Variants in PRCD observed in about 807,000 individuals in gnomAD.
The protein encoded by PRCD is photoreceptor disk component PRCD.
A neutral mutation model predicts 10.1 loss-of-function variants in PRCD; 12 were observed. The ratio of observed to expected loss-of-function variants is 1.18; its 90% confidence interval spans 0.76 to 1.92. PRCD has a LOEUF of 1.92. Among genes scored for constraint, PRCD ranks in the 40% most tolerant of loss-of-function variants. PRCD has a pLI of 0.00. For missense variants in PRCD, 61 were observed against 72.2 expected (o/e 0.84, Z 0.56); for synonymous variants, 31 against 26.2 (o/e 1.18, Z -0.56).
chr17:76,536,373 G>T (rs2074913923), upstream of PRCD, among the ~76,000 whole-genome samples: 1 of 152,132 alleles, frequency 6.6e-6, no homozygotes, highest in Admixed American at 6.5e-5. Context: ...CCAGAGCGAG[G>T]CTTCACCCCA....
chr17:76,551,168 A>T (rs1307113038), intron 1 of PRCD: 3 of 152,214 alleles, frequency 2.0e-5, no homozygotes, highest in Non-Finnish European at 2.9e-5. Flanking sequence ...TACAAGCTGG[A>T]ATTTGCAGAG....
chr17:76,550,732 G>A (rs1025287023), intron 1 of PRCD: 2 of 152,226 alleles, frequency 1.3e-5, no homozygotes, highest in Non-Finnish European at 2.9e-5. Context: ...AACAAAACAA[G>A]AATGAAGAAT....
intron 1 of PRCD, chr17:76,529,771 T>G (rs2074813146): frequency 1.0e-6 from 1 of 985,210 alleles, no homozygotes; most frequent in African/African-American, 1.7e-5. Flanking sequence ...TGCCCTCCTC[T>G]GGTGGGCCAA....
chr17:76,529,107 C>G (rs963097838), intron 1 of PRCD: 1 of 965,870 alleles, frequency 1.0e-6, no homozygotes, highest in Non-Finnish European at 1.2e-6. Context: ...GCTCAATAAA[C>G]AGTGGCGCCT....
upstream of PRCD, chr17:76,538,487 G>A: frequency 2.1e-6 from 1 of 466,458 alleles, no homozygotes; most frequent in South Asian, 1.6e-5. Flanking sequence ...GTCCCCCGTG[G>A]CTTATGAATG....
rs2074834149 is a variant in PRCD at position 76,531,118 on chromosome 17, C to A, written n.45+3285C>A. 1 of 1,613,840 alleles carries A rather than the reference C, an allele frequency of 6.2e-7. No homozygotes were observed. The highest frequency in any genetic ancestry group is 1.1e-5 in the South Asian group (1 of 91,086). On this transcript the variant is annotated intron_variant and non_coding_transcript_variant, in intron 1 of 4. Coordinates refer to the PRCD transcript ENST00000397633. The surrounding 1 kb of genome is among the most constrained non-coding windows in gnomAD (Gnocchi z 7.4). ...TCACTGGCAAATTCCTCGGCGACCA[C>A]CTCCAGAATGACCCCAGAGAGGATC...
In PRCD at chr17:76,545,089, T is replaced by C. The variant is rs5742903; in HGVS notation, c.*1439T>C. 0.24 allele frequency: 106,776 copies of C among 453,544 alleles called. 13,994 individuals are homozygous for C. The highest frequency in any genetic ancestry group is 0.39 in the South Asian group (24,909 of 64,486). The allele number at this position is 453,544 out of a possible 1,614,324, so 28.1% of individuals were successfully genotyped here. On this transcript the variant is annotated 3_prime_UTR_variant, in exon 5 of 5. Transcript: ENST00000592014. The stretch of plus-strand genomic sequence containing the variant: ...GGGCTGTCTCCCCCAGGGAGCAGGC[T>C]GGCTTTGGTGGGAGCAGATTGTGTT...
upstream of PRCD, chr17:76,539,909 A>G: frequency 1.7e-6 from 1 of 592,226 alleles, no homozygotes; most frequent in Non-Finnish European, 3.0e-6. Context: ...TCAATGCCAC[A>G]GTGCATGCCT....
intron 1 of PRCD, chr17:76,552,955 A>G (rs1203473308): frequency 6.7e-6 from 1 of 148,592 alleles, no homozygotes; most frequent in Non-Finnish European, 1.5e-5. Flanking sequence ...ATGTATACAT[A>G]TATATGTGTG....
chr17:76,529,457 G>C lies in PRCD; in HGVS notation n.45+1624G>C, dbSNP rs552413552. On this transcript the variant is annotated intron_variant and non_coding_transcript_variant, in intron 1 of 4. Coordinates refer to the PRCD transcript ENST00000397633. The stretch of plus-strand genomic sequence containing the variant: ...TTAGTCCCTAGGGCAGGGTGGGGAG[G>C]GCAGGACGGGCAGCGTGCTGGGGAA... 1.1e-4 allele frequency: 105 copies of C among 985,452 alleles called. No individual in the cohort carries two copies. In the South Asian group the frequency reaches 4.7e-3, roughly 44 times the overall value. 61.0% of individuals were successfully genotyped at this position (985,452 alleles called of 1,614,324 possible).
Position 76,542,120 on chromosome 17 carries a change from C to G in PRCD, c.144-433C>G, listed in dbSNP as rs988110287. Reference sequence around the variant, plus strand: ...ATTTAGGTGGCTTGCTCCAGATCATCTATCTCATTTGTGGCTAATGCGGGA... The same window carrying G: ...ATTTAGGTGGCTTGCTCCAGATCATGTATCTCATTTGTGGCTAATGCGGGA... On this transcript the variant is annotated intron_variant, in intron 2 of 4. Coordinates refer to ENST00000592014, the MANE Select transcript of PRCD (RefSeq NM_001077620.3). Among the ~76,000 whole-genome samples, 9 of 152,212 alleles carry G rather than the reference C, an allele frequency of 5.9e-5. No homozygotes were observed. In the South Asian group the frequency reaches 1.4e-3, roughly 24 times the overall value.
chr17:76,553,204 G>C (rs1212242186), exon 2 of PRCD: 1 of 152,162 alleles, frequency 6.6e-6, no homozygotes, highest in African/African-American at 2.4e-5. Context: ...CCAGAAGAGA[G>C]GCTGTTGTTT....
At chr17:76,538,407 C>T (rs2074948075), upstream of PRCD, 1 of 425,194 alleles carries the variant, frequency 2.4e-6, no homozygotes, top group East Asian at 8.7e-5. Flanking sequence ...CGCCAGAGGC[C>T]TGCGCCCCCT....
downstream of PRCD, among the ~76,000 whole-genome samples, chr17:76,547,977 CACAT>C (rs909624575): frequency 4.6e-5 from 7 of 151,702 alleles, no homozygotes; most frequent in Non-Finnish European, 8.8e-5. Context: ...CATAAACATA[CACAT>C]ACATACACAT....
chr17:76,547,843 A>ACACACACACACACAACACACATT (rs1221442680), downstream of PRCD, among the ~76,000 whole-genome samples: 1 of 129,066 alleles, frequency 7.7e-6, no homozygotes, highest in East Asian at 2.0e-4. Context: ...ACACACATTC[A>ACACACACACACACAACACACATT]CACACACACA....
chr17:76,529,095 C>T lies in PRCD; in HGVS notation n.45+1262C>T, dbSNP rs141691293. ...AAAGGCGCACACCCTGGAGCAGAGA[C>T]GGCTCAATAAACAGTGGCGCCTGGC... On this transcript the variant is annotated intron_variant and non_coding_transcript_variant, in intron 1 of 4. Coordinates refer to the PRCD transcript ENST00000397633. The T allele has an allele frequency of 2.6e-3, 2,468 of 933,518 alleles. 43 individuals are homozygous for T. In the African/African-American group the frequency reaches 0.043, roughly 16 times the overall value. The allele number at this position is 933,518 out of a possible 1,614,324, so 57.8% of individuals were successfully genotyped here. A position where few individuals can be genotyped will look rare whatever the true frequency, so the allele number is the denominator to read the frequency against.
chr17:76,537,743 G>A (rs1050756720), upstream of PRCD: 39 of 223,168 alleles, frequency 1.7e-4, no homozygotes, highest in African/African-American at 8.7e-4. Flanking sequence ...GTATATGTGC[G>A]GGGGGCGGGG....
chr17:76,544,071 C>G lies in PRCD; in HGVS notation c.*421C>G, dbSNP rs1462934609. The stretch of plus-strand genomic sequence containing the variant: ...CCCCCAGCTGCTCTGCCATTTCTCT[C>G]TTTTCAATCCTGCATGATCCTGAGC... On this transcript the variant is annotated 3_prime_UTR_variant, in exon 5 of 5. Transcript: ENST00000592014. The G allele has an allele frequency of 2.2e-6, 1 of 454,652 alleles. No homozygotes were observed. Among genetic ancestry groups the G allele is most frequent in the Non-Finnish European group, 4.4e-6 (1 of 226,962 alleles). The allele number at this position is 454,652 out of a possible 1,614,324, so 28.2% of individuals were successfully genotyped here. A position where few individuals can be genotyped will look rare whatever the true frequency, so the allele number is the denominator to read the frequency against.
upstream of PRCD, chr17:76,537,691 G>T: frequency 1.4e-6 from 1 of 698,818 alleles, no homozygotes; most frequent in Non-Finnish European, 1.8e-6. Flanking sequence ...GTGTGTCTGT[G>T]CGCGCCGGGT....
Sources: gnomAD v4.1 joint callset for allele counts (sites outside exome capture counted in the v4.1 genomes callset) on GRCh38, gnomAD v4.1.1 for gene constraint, Gnocchi (gnomAD v3.1) non-coding constraint, MANE v1.5 for transcripts, NCBI Gene and HGNC (gene_info 2026-07-23, HGNC 2026-07-21) for gene names.